SFMBT2: variants seen among roughly 807,000 people sequenced by gnomAD.
The protein encoded by SFMBT2 is scm-like with four MBT domains protein 2.
SFMBT2 carries 38 observed loss-of-function variants against 110.1 expected under a neutral mutation model. That is an observed-to-expected ratio of 0.35 (90% CI 0.27 to 0.45). SFMBT2 has a LOEUF of 0.45. Ranked by LOEUF, SFMBT2 falls within the 20% of genes least tolerant of loss-of-function variation. The probability of loss-of-function intolerance (pLI) is 1.00; values close to 1 mark genes in which losing one functional copy is unlikely to be tolerated. For missense variants in SFMBT2, 1,011 were observed against 1,094.9 expected (o/e 0.92, Z 1.08); for synonymous variants, 425 against 425.4 (o/e 1.00, Z 0.01).
chr10:7,171,157 T>C lies in SFMBT2; in HGVS notation c.2416-101A>G, dbSNP rs1002589839. The C allele has an allele frequency of 6.4e-7, 1 of 1,570,642 alleles. No individual in the cohort carries two copies. The highest frequency in any genetic ancestry group is 8.7e-7 in the Non-Finnish European group (1 of 1,153,592). On this transcript the variant is annotated intron_variant, in intron 19 of 20. Coordinates refer to ENST00000397167, the MANE Select transcript of SFMBT2 (RefSeq NM_001387889.1). This position sits in a 1 kb window ranked among gnomAD's most constrained non-coding sequence, Gnocchi z 4.9. ...TCGGCCGTTCCTGGCCGGAAGCCAC[T>C]GCCTCCCTTTGCTCCCTCACTGGGC...
intron 11 of SFMBT2, chr10:7,214,732 T>G: frequency 1.0e-6 from 1 of 985,496 alleles, no homozygotes; most frequent in Non-Finnish European, 1.2e-6. Flanking sequence ...TCCAAAGCTG[T>G]GCACAGCACA....
intron 7 of SFMBT2, among the ~76,000 whole-genome samples, chr10:7,263,679 G>A (rs561829124): frequency 6.6e-6 from 1 of 152,318 alleles, no homozygotes; most frequent in East Asian, 1.9e-4. Context: ...TAAGGCAAAT[G>A]CCTGGAGAAT....
At chr10:7,165,299 C>T (rs1292192805) in intron 20 of SFMBT2, among the ~76,000 whole-genome samples, 7 of 152,176 alleles carry the variant, frequency 4.6e-5, no homozygotes, top group African/African-American at 9.7e-5. Context: ...CATACGTCTC[C>T]GACAACACCT....
intron 1 of SFMBT2, 41 bp from the exon 2 acceptor site, chr10:7,381,990 C>T (rs1845438243): frequency 8.6e-7 from 1 of 1,163,840 alleles, no homozygotes; most frequent in Non-Finnish European, 1.2e-6. Context: ...GCAGTTTAAT[C>T]ATATTGATTA....
rs7093399 is a variant in SFMBT2 at position 7,326,013 on chromosome 10, C to T, written c.437-40059G>A. 7.2e-3 allele frequency among the ~76,000 whole-genome samples: 1,095 copies of T among 152,298 alleles called. 7 individuals carry two copies. The highest frequency in any genetic ancestry group is 0.044 in the Middle Eastern group (13 of 294). The stretch of plus-strand genomic sequence containing the variant: ...TGAATGCAGCACAAGAATAGTCATA[C>T]GTAAAATTGTCCAGTATGCAACCAG... On this transcript the variant is annotated intron_variant, in intron 4 of 20. Transcript: ENST00000397167.
chr10:7,403,823 T>C (rs188453151), intron 1 of SFMBT2, among the ~76,000 whole-genome samples: 1 of 152,316 alleles, frequency 6.6e-6, no homozygotes, highest in African/African-American at 2.4e-5. Flanking sequence ...CTGTTTCCTC[T>C]GTAAAAGGAG....
chr10:7,218,000 G>A (rs759508039), intron 11 of SFMBT2, among the ~76,000 whole-genome samples: 91 of 152,116 alleles, frequency 6.0e-4, no homozygotes, highest in Non-Finnish European at 1.2e-3. Flanking sequence ...TTAGAGACAC[G>A]TAAAGAATGA....
intron 4 of SFMBT2, among the ~76,000 whole-genome samples, chr10:7,308,027 A>G (rs1013983768): frequency 1.3e-5 from 2 of 152,188 alleles, no homozygotes; most frequent in African/African-American, 4.8e-5. Flanking sequence ...CATAACTTAC[A>G]AAAATAGTAA....
chr10:7,360,092 A>C (rs1252793040), intron 4 of SFMBT2, among the ~76,000 whole-genome samples: 2 of 152,254 alleles, frequency 1.3e-5, no homozygotes, highest in Non-Finnish European at 2.9e-5. Context: ...AGGTGCACAC[A>C]AAAGTATCTT....
At chr10:7,164,268 T>A (rs1837634334) in intron 20 of SFMBT2, 2 of 591,766 alleles carry the variant, frequency 3.4e-6, no homozygotes, top group Non-Finnish European at 2.1e-6. Flanking sequence ...AAACCTGTGA[T>A]GCCAGCTACT....
chr10:7,375,717 G>A lies in SFMBT2; in HGVS notation c.101-5342C>T, dbSNP rs115102165. ...GTCCTCCTGACTCATCCAACTACCCGATGGCCAGAGTTACTCTAGGAGAAA... is the reference window on the plus strand; with the variant it reads ...GTCCTCCTGACTCATCCAACTACCCAATGGCCAGAGTTACTCTAGGAGAAA... On this transcript the variant is annotated intron_variant, in intron 2 of 20. Transcript: ENST00000397167. Among the ~76,000 whole-genome samples, 301 of 149,040 alleles carry A rather than the reference G, an allele frequency of 2.0e-3. 1 individual carries two copies. Among genetic ancestry groups the A allele is most frequent in the African/African-American group, 7.0e-3 (283 of 40,248 alleles).
intron 4 of SFMBT2, among the ~76,000 whole-genome samples, chr10:7,354,690 T>C (rs1043653970): frequency 3.3e-5 from 5 of 152,196 alleles, no homozygotes; most frequent in East Asian, 1.9e-4. Context: ...CAAATACAAA[T>C]GTAGCTCACG....
At chr10:7,269,955 T>C (rs958482053) in intron 7 of SFMBT2, among the ~76,000 whole-genome samples, 1 of 151,910 alleles carries the variant, frequency 6.6e-6, no homozygotes, top group African/African-American at 2.4e-5. Flanking sequence ...GCCACTGTGT[T>C]ATTTCTAAGA....
chr10:7,200,517 C>G, intron 13 of SFMBT2, 33 bp from the exon 14 acceptor site: 1 of 1,560,950 alleles, frequency 6.4e-7, no homozygotes. Flanking sequence ...TATCAGGGAC[C>G]ACAAGCTTTA....
intron 16 of SFMBT2, among the ~76,000 whole-genome samples, chr10:7,183,248 A>G (rs1314355802): frequency 1.3e-5 from 2 of 152,334 alleles, no homozygotes; most frequent in East Asian, 3.9e-4. Flanking sequence ...CTCAGTCCTC[A>G]GATAGACCTT....
At chr10:7,401,314 A>G (rs957609597) in intron 1 of SFMBT2, among the ~76,000 whole-genome samples, 3 of 152,156 alleles carry the variant, frequency 2.0e-5, no homozygotes, top group Admixed American at 2.0e-4. Context: ...GATACAGACT[A>G]CACCTCTCAA....
chr10:7,298,666 C>G (rs764887562), intron 4 of SFMBT2, among the ~76,000 whole-genome samples: 5 of 151,854 alleles, frequency 3.3e-5, no homozygotes, highest in Admixed American at 1.3e-4. Context: ...TATGTATGTG[C>G]GTATGTGCAT....
At chr10:7,222,338 A>G (rs1409785636) in intron 10 of SFMBT2, among the ~76,000 whole-genome samples, 2 of 152,232 alleles carry the variant, frequency 1.3e-5, no homozygotes, top group African/African-American at 2.4e-5. Flanking sequence ...AAACGTAAGT[A>G]TATTAATCTG....
chr10:7,316,100 C>G (rs1003221705), intron 4 of SFMBT2, among the ~76,000 whole-genome samples: 2 of 152,108 alleles, frequency 1.3e-5, no homozygotes, highest in African/African-American at 4.8e-5. Context: ...GATGGTGAAC[C>G]TTGAAGAGCC....
Sources: gnomAD v4.1 joint callset for allele counts (sites outside exome capture counted in the v4.1 genomes callset) on GRCh38, gnomAD v4.1.1 for gene constraint, Gnocchi (gnomAD v3.1) non-coding constraint, MANE v1.5 for transcripts, NCBI Gene and HGNC (gene_info 2026-07-23, HGNC 2026-07-21) for gene names.